The following SERPINB13 variants were observed in gnomAD, a reference collection of about 807,000 sequenced individuals.
SERPINB13 encodes the protein serpin B13.
A neutral mutation model predicts 31.2 loss-of-function variants in SERPINB13; 26 were observed. The ratio of observed to expected loss-of-function variants is 0.83; its 90% CI spans 0.61 to 1.15. SERPINB13 has a LOEUF of 1.15. Ranked by LOEUF, SERPINB13 falls within the 50% of genes most tolerant of loss-of-function variation. The pLI is 0.00. For missense variants in SERPINB13, 510 were observed against 469.4 expected (o/e 1.09, Z -0.80); for synonymous variants, 191 against 172.4 (o/e 1.11, Z -0.85).
At position 63,595,099 on chromosome 18, in the gene SERPINB13, A is replaced by G; in HGVS notation, c.686A>G (p.Gln229Arg). The G allele has an allele frequency of 6.2e-7, 1 of 1,614,140 alleles. No homozygotes were observed. Among genetic ancestry groups the G allele is most frequent in the Non-Finnish European group, 8.5e-7 (1 of 1,179,998 alleles). The stretch of plus-strand genomic sequence containing the variant: ...AGCTTCACTTTCCTGGAGGACTTGC[A>G]GGCCAAAATTCTAGGGATTCCATAT... The part of the protein sequence containing the change: ...SFSFTFLEDL[Q>R]AKILGIPYKN... Residue 229 changes from glutamine to arginine, a missense_variant, in exon 7 of 8, where the codon CAG becomes CGG. Transcript: ENST00000344731.
intron 2 of SERPINB13, 48 bp downstream of exon 2, chr18:63,588,880 T>C (rs1318794611): frequency 1.3e-6 from 2 of 1,507,630 alleles, no homozygotes; most frequent in Non-Finnish European, 8.9e-7. Context: ...ACAAATTCAT[T>C]TGGCGGGGGG....
chr18:63,594,349 T>C lies in SERPINB13; in HGVS notation c.473-6T>C, dbSNP rs1222311983. 8.1e-6 allele frequency: 13 copies of C among 1,613,272 alleles called. No homozygotes were observed. The highest frequency in any genetic ancestry group is 3.3e-4 in the Middle Eastern group (2 of 6,078). On this transcript the variant is annotated splice_region_variant and splice_polypyrimidine_tract_variant and intron_variant, in intron 5 of 7. Coordinates refer to ENST00000344731, the MANE Select transcript of SERPINB13 (RefSeq NM_012397.4). ...GGTCAACCTTTTTCTGTTTCTTCAT[T>C]TGCAGAAAAAATCAAGGACTTGTTC...
At chr18:63,588,472 C>A (rs1424284497) in intron 1 of SERPINB13, among the ~76,000 whole-genome samples, 179 bp from the exon 2 acceptor site, 1 of 152,174 alleles carries the variant, frequency 6.6e-6, no homozygotes, top group Admixed American at 6.5e-5. Context: ...TGATGGATGT[C>A]TCCCAGCAAG....
intron 6 of SERPINB13, 57 bp downstream of exon 6, chr18:63,594,554 G>T: frequency 1.3e-6 from 2 of 1,579,710 alleles, no homozygotes; most frequent in Non-Finnish European, 8.6e-7. Flanking sequence ...AAAGTCTAAA[G>T]TCATGGCTGG....
chr18:63,588,535 G>A, intron 1 of SERPINB13, 116 bp from the exon 2 acceptor site: 2 of 1,059,130 alleles, frequency 1.9e-6, no homozygotes, highest in South Asian at 1.6e-5. Context: ...TTCACCAAAA[G>A]GGTGGAAATC....
At chr18:63,590,991 T>A (rs753582341) in intron 3 of SERPINB13, among the ~76,000 whole-genome samples, 9 of 152,176 alleles carry the variant, frequency 5.9e-5, no homozygotes, top group Non-Finnish European at 1.2e-4. Context: ...AAAATGCTGA[T>A]AAAATCTCAA....
intron 3 of SERPINB13, among the ~76,000 whole-genome samples, chr18:63,591,671 C>T (rs1049603931): frequency 6.6e-6 from 1 of 151,808 alleles, no homozygotes; most frequent in African/African-American, 2.4e-5. Flanking sequence ...GAAAGGAATA[C>T]AAAATATTAA....
rs1345197166 is a variant in SERPINB13 at position 63,597,514 on chromosome 18, T to C, written c.*151T>C. 1 of 814,490 alleles carries C rather than the reference T, an allele frequency of 1.2e-6. No individual in the cohort carries two copies. The highest frequency in any genetic ancestry group is 1.9e-6 in the Non-Finnish European group (1 of 525,936). 50.5% of individuals were successfully genotyped at this position (814,490 alleles called of 1,614,324 possible). ...ATCAATGATTTAATGACTCCAATAA[T>C]GTGTGTGTTTATAACCATCCTCGAA... On this transcript the variant is annotated 3_prime_UTR_variant, in exon 8 of 8. Transcript: ENST00000344731.
In SERPINB13 at chr18:63,598,360, G is replaced by A. The variant is rs1055284427; in HGVS notation, c.*997G>A. On this transcript the variant is annotated 3_prime_UTR_variant, in exon 8 of 8. Transcript: ENST00000344731. The stretch of plus-strand genomic sequence containing the variant: ...CATTGACTTTTAGTAAATTTCTAGC[G>A]TTATGCATCGCCACAATCCAGTTTT... 5 of 151,970 alleles carry A rather than the reference G, an allele frequency of 3.3e-5. No individual in the cohort carries two copies. The highest frequency in any genetic ancestry group is 2.1e-4 in the South Asian group (1 of 4,820). 9.4% of individuals were successfully genotyped at this position (151,970 alleles called of 1,614,324 possible). A position where few individuals can be genotyped will look rare whatever the true frequency, so the allele number is the denominator to read the frequency against.
At chr18:63,596,310 C>T (rs940924378) in intron 7 of SERPINB13, among the ~76,000 whole-genome samples, 7 of 152,078 alleles carry the variant, frequency 4.6e-5, no homozygotes, top group Admixed American at 3.3e-4. Context: ...ATTCAAAAAC[C>T]CCAGTTGTGG....
Position 63,588,836 on chromosome 18 carries a change from G to T in SERPINB13, c.165+4G>T, listed in dbSNP as rs544310004. ...CACCGCTTCCCAGTTGGAGGAGGTTGGGCGCAGTCAGGGGGCTTCCTTGTT... is the reference window on the plus strand; with the variant it reads ...CACCGCTTCCCAGTTGGAGGAGGTTTGGCGCAGTCAGGGGGCTTCCTTGTT... On this transcript the variant is annotated splice_donor_region_variant and intron_variant, in intron 2 of 7. Transcript: ENST00000344731. The T allele has an allele frequency of 6.2e-7, 1 of 1,613,244 alleles. No homozygotes were observed. The highest frequency in any genetic ancestry group is 1.1e-5 in the South Asian group (1 of 91,016).
At chr18:63,592,319 C>G in intron 3 of SERPINB13, 29 bp from the exon 4 acceptor site, 1 of 1,597,786 alleles carries the variant, frequency 6.3e-7, no homozygotes, top group Non-Finnish European at 8.5e-7. Context: ...GCCAAGATAA[C>G]CTGTTGAGAT....
At chr18:63,592,829 T>G (rs1438487604) in intron 4 of SERPINB13, 25 bp from the exon 5 acceptor site, 1 of 1,439,762 alleles carries the variant, frequency 6.9e-7, no homozygotes, top group African/African-American at 1.4e-5. Flanking sequence ...AACCTCTTTT[T>G]ATTCCTTCCT....
chr18:63,589,927 A>T, intron 3 of SERPINB13: 2 of 991,066 alleles, frequency 2.0e-6, no homozygotes, highest in South Asian at 3.9e-5. Context: ...TTGAGAAGAG[A>T]CCTTAGGTGT....
intron 7 of SERPINB13, 40 bp downstream of exon 7, chr18:63,595,224 A>G: frequency 5.7e-6 from 9 of 1,570,076 alleles, no homozygotes; most frequent in Non-Finnish European, 6.9e-6. Flanking sequence ...TTCATTTCCT[A>G]AGGCTTTTTG....
intron 7 of SERPINB13, among the ~76,000 whole-genome samples, chr18:63,596,036 T>A (rs1912148720): frequency 6.6e-6 from 1 of 152,192 alleles, no homozygotes; most frequent in African/African-American, 2.4e-5. Flanking sequence ...CCCTTGAAGC[T>A]TCTTAACTTC....
Position 63,598,799 on chromosome 18 carries a change from T to C in SERPINB13, c.*1436T>C, listed in dbSNP as rs1912334969. 6.6e-6 allele frequency: 1 copy of C among 152,218 alleles called. No homozygotes were observed. 9.4% of individuals were successfully genotyped at this position (152,218 alleles called of 1,614,324 possible). A position where few individuals can be genotyped will look rare whatever the true frequency, so the allele number is the denominator to read the frequency against. Reference sequence around the variant, plus strand: ...CTAGGCTAGAAATTGCTGGGCCATATGAAAAATCAATAGTTAGCTTTGTAA... The same window carrying C: ...CTAGGCTAGAAATTGCTGGGCCATACGAAAAATCAATAGTTAGCTTTGTAA... On this transcript the variant is annotated 3_prime_UTR_variant, in exon 8 of 8. Transcript: ENST00000344731.
intron 5 of SERPINB13, 45 bp downstream of exon 5, chr18:63,593,016 G>T (rs771729419): frequency 7.9e-7 from 1 of 1,270,108 alleles, no homozygotes; most frequent in South Asian, 1.3e-5. Context: ...CAAAAACAAA[G>T]AAACAAACAA....
At position 63,588,354 on chromosome 18, in the gene SERPINB13, A is replaced by AGGC. The variant is rs774290021; in HGVS notation, c.-17-296_-17-294dup. On this transcript the variant is annotated intron_variant, in intron 1 of 7. Transcript: ENST00000344731. ...GAGGAGGCTGTGGAGAGGCAGAGAC[A>AGGC]GGCAGGGTCAGACAGAGAGCAAGAG... Among the ~76,000 whole-genome samples the AGGC allele has an allele frequency of 3.9e-5, 6 of 152,322 alleles. No homozygotes were observed. In the East Asian group the frequency reaches 1.2e-3, roughly 29 times the overall value.
Sources: allele counts gnomAD v4.1 joint callset (sites outside exome capture counted in the v4.1 genomes callset), GRCh38; gene constraint gnomAD v4.1.1; transcripts MANE v1.5; gene names NCBI Gene and HGNC (gene_info 2026-07-23, HGNC 2026-07-21).